Variants in ABCC4 observed in about 807,000 individuals in gnomAD.
The protein encoded by ABCC4 is ATP-binding cassette sub-family C member 4.
Under a neutral mutation model 168.5 loss-of-function variants are expected in ABCC4, and 102 were observed. The observed-to-expected ratio is 0.61, with a 90% CI of 0.52 to 0.71. The LOEUF is 0.71. Among genes scored for constraint, ABCC4 ranks in the 30% least tolerant of loss-of-function variants. The pLI is 0.00. For synonymous variants in ABCC4, 617 were observed against 590.7 expected (o/e 1.04, Z -0.65); for missense variants, 1,402 against 1,605.8 (o/e 0.87, Z 2.17).
At chr13:95,065,262 C>G (rs2033487969) in intron 25 of ABCC4, among the ~76,000 whole-genome samples, 1 of 152,202 alleles carries the variant, frequency 6.6e-6, no homozygotes, top group Non-Finnish European at 1.5e-5. Flanking sequence ...TACCTCAGTG[C>G]AAGGCTGCAT....
intron 20 of ABCC4, among the ~76,000 whole-genome samples, chr13:95,105,959 G>A (rs2034988046): frequency 6.6e-6 from 1 of 152,150 alleles, no homozygotes; most frequent in Admixed American, 6.5e-5. Flanking sequence ...GTGTGCACAG[G>A]GTAAGCCGGT....
intron 14 of ABCC4, among the ~76,000 whole-genome samples, chr13:95,168,073 G>T (rs1186449906): frequency 6.6e-6 from 1 of 152,062 alleles, no homozygotes; most frequent in Non-Finnish European, 1.5e-5. Context: ...TCACCATGTT[G>T]GCCAGGTTGG....
intron 19 of ABCC4, among the ~76,000 whole-genome samples, chr13:95,131,159 A>G (rs2035945159): frequency 6.6e-6 from 1 of 152,212 alleles, no homozygotes; most frequent in Admixed American, 6.5e-5. Flanking sequence ...GCCTGTCAAA[A>G]GGCAAACAGG....
chr13:95,064,273 T>C lies in ABCC4; in HGVS notation c.3211-1414A>G, dbSNP rs2033428371. Reference sequence around the variant, plus strand: ...GTGTGTGTGTGTGTATATATATATATATATATATATATATATATATATATA... The same window carrying C: ...GTGTGTGTGTGTGTATATATATATACATATATATATATATATATATATATA... On this transcript the variant is annotated intron_variant, in intron 25 of 30. Coordinates refer to ENST00000645237, the MANE Select transcript of ABCC4 (RefSeq NM_005845.5). Among the ~76,000 whole-genome samples the C allele has an allele frequency of 2.8e-5, 2 of 71,580 alleles. 1 individual carries two copies. Among genetic ancestry groups the C allele is most frequent in the Non-Finnish European group, 5.8e-5 (2 of 34,646 alleles). The allele number at this position is 71,580 out of a possible 152,430, so 47.0% of individuals were successfully genotyped here.
In ABCC4 at chr13:95,207,914, G is replaced by A. The variant is rs1566527396; in HGVS notation, c.797C>T (p.Ala266Val). 1 of 1,613,746 alleles carries A rather than the reference G, an allele frequency of 6.2e-7. No homozygotes were observed. Residue 266 changes from alanine (A) to valine (V), a missense_variant, in exon 7 of 31, where the codon GCA (alanine) becomes GTA (valine). Around this residue, in one of 3 missense-constraint regions of ABCC4, gnomAD observed 317 missense variants for 345.5 expected, o/e 0.92. Coordinates refer to ENST00000645237, the MANE Select transcript of ABCC4 (RefSeq NM_005845.5). ...CCTGATCCTGGCATCCGTGAAAGTT[G>A]CAGTTTTACTCCTAAGGGGAACCAG... ...KLFSSLRSKTATFTDARIRTM... is the reference protein window; with the variant it reads ...KLFSSLRSKTVTFTDARIRTM...
At chr13:95,257,479 C>G (rs1391539166) in intron 1 of ABCC4, among the ~76,000 whole-genome samples, 2 of 151,974 alleles carry the variant, frequency 1.3e-5, no homozygotes, top group African/African-American at 2.4e-5. Flanking sequence ...ACCAGCCTGG[C>G]CAACAATGGT....
rs761238493 is a variant in ABCC4, at chr13:95,301,346, C to A, written c.-32G>T. The A allele has an allele frequency of 6.4e-7, 1 of 1,555,338 alleles. No homozygotes were observed. Among genetic ancestry groups the A allele is most frequent in the East Asian group, 2.5e-5 (1 of 40,464 alleles). ...GGGCGGGGCGGGCGCGGGCCGGGGT[C>A]GCGCTGATCAGGCGGCGGTGGCCGC... On this transcript the variant is annotated 5_prime_UTR_variant, in exon 1 of 31. Transcript: ENST00000645237.
intron 19 of ABCC4, among the ~76,000 whole-genome samples, chr13:95,149,247 G>C (rs900366258): frequency 6.6e-6 from 1 of 152,134 alleles, no homozygotes; most frequent in Non-Finnish European, 1.5e-5. Context: ...TGTATGTGTT[G>C]ATTTTCCTTT....
chr13:95,073,342 C>A, intron 23 of ABCC4, 38 bp from the exon 24 acceptor site: 1 of 1,530,758 alleles, frequency 6.5e-7, no homozygotes, highest in Non-Finnish European at 9.0e-7. Context: ...GTCAGTCTCA[C>A]TTCAAACCTA....
chr13:95,146,085 C>G (rs910901416), intron 19 of ABCC4, among the ~76,000 whole-genome samples: 1 of 151,936 alleles, frequency 6.6e-6, no homozygotes, highest in Non-Finnish European at 1.5e-5. Flanking sequence ...GTGATATGCG[C>G]TTGTAATTCC....
intron 20 of ABCC4, among the ~76,000 whole-genome samples, chr13:95,083,605 C>T (rs539298007): frequency 4.6e-5 from 7 of 151,126 alleles, no homozygotes; most frequent in South Asian, 2.1e-4. Flanking sequence ...CCTCTCACTG[C>T]AGCCTCCCAC....
chr13:95,134,893 G>T (rs958011613), intron 19 of ABCC4, among the ~76,000 whole-genome samples: 1 of 151,970 alleles, frequency 6.6e-6, no homozygotes, highest in East Asian at 1.9e-4. Flanking sequence ...TCACTTTCAG[G>T]GTATCTGCAA....
At chr13:95,290,787 C>T (rs2041380109) in intron 1 of ABCC4, among the ~76,000 whole-genome samples, 1 of 147,546 alleles carries the variant, frequency 6.8e-6, no homozygotes, top group Non-Finnish European at 1.5e-5. Context: ...CCAGCCTGGG[C>T]AAAAAGAGCA....
intron 8 of ABCC4, among the ~76,000 whole-genome samples, chr13:95,196,372 C>T (rs994936965): frequency 7.9e-5 from 12 of 152,234 alleles, no homozygotes; most frequent in Admixed American, 3.9e-4. Context: ...AAAGTGACAA[C>T]GTCCAGGAAA....
At chr13:95,290,103 A>AATAGATAGATAGACAGATAGATAG (rs559796449) in intron 1 of ABCC4, among the ~76,000 whole-genome samples, 15 of 113,700 alleles carry the variant, frequency 1.3e-4, no homozygotes, top group Non-Finnish European at 3.0e-4. Context: ...TCTCAAAAAA[A>AATAGATAGATAGACAGATAGATAG]ATAGATAGAT....
intron 19 of ABCC4, among the ~76,000 whole-genome samples, chr13:95,143,976 TGAA>T (rs1043336762): frequency 1.3e-5 from 2 of 152,152 alleles, no homozygotes; most frequent in Non-Finnish European, 2.9e-5. Context: ...TTTCAGAAGG[TGAA>T]GAAGACAGAG....
At chr13:95,065,623 T>C (rs570244928) in intron 25 of ABCC4, among the ~76,000 whole-genome samples, 86 of 151,878 alleles carry the variant, frequency 5.7e-4, no homozygotes, top group African/African-American at 2.0e-3. Flanking sequence ...CCATGTTAAA[T>C]ATCCTTGAAG....
intron 20 of ABCC4, among the ~76,000 whole-genome samples, chr13:95,096,980 C>G (rs1479473105): frequency 1.3e-5 from 2 of 152,022 alleles, no homozygotes; most frequent in Non-Finnish European, 2.9e-5. Context: ...TTATTTAAAG[C>G]AAAATGGACC....
chr13:95,053,988 A>AT (rs1157626963), intron 26 of ABCC4: 1 of 148,360 alleles, frequency 6.7e-6, no homozygotes, highest in Non-Finnish European at 1.5e-5. Context: ...AAAAAAAAAA[A>AT]AAAAAATCTC....
Sources: allele counts gnomAD v4.1 joint callset (sites outside exome capture counted in the v4.1 genomes callset), GRCh38; gene constraint gnomAD v4.1.1; regional missense constraint gnomAD v4.1.1; transcripts MANE v1.5; gene names NCBI Gene and HGNC (gene_info 2026-07-23, HGNC 2026-07-21).